SNED1: variants seen among roughly 807,000 people sequenced by gnomAD.
SNED1 encodes sushi, nidogen and EGF-like domain-containing protein 1.
A neutral mutation model predicts 166.7 loss-of-function variants in SNED1; 81 were observed. That is an observed-to-expected ratio of 0.49 (90% CI 0.41 to 0.58). The LOEUF (loss-of-function observed/expected upper bound fraction) is 0.58, where lower values mean the gene tolerates loss of function less well. Ranked by LOEUF, SNED1 falls within the 20% of genes least tolerant of loss-of-function variation. The pLI, the probability that SNED1 is intolerant of heterozygous loss-of-function variation, is 0.00. For synonymous variants in SNED1, 762 were observed against 822.0 expected, an observed-to-expected ratio of 0.93 and a Z score of 1.25; for missense variants, 1,604 against 2,000.2, an observed-to-expected ratio of 0.80 and a Z score of 3.78.
chr2:241,071,728 C>T lies in SNED1; in HGVS notation c.3734+8C>T, dbSNP rs555740407. The T allele has an allele frequency of 5.3e-6, 7 of 1,309,262 alleles. No individual in the cohort carries two copies. Among genetic ancestry groups the T allele is most frequent in the Non-Finnish European group, 7.4e-6 (7 of 945,548 alleles). 81.1% of individuals were successfully genotyped at this position (1,309,262 alleles called of 1,614,324 possible). ...CCCCACCCAGCCCCCCAGGTACATGCCCCACCCATCGGCCCCATCGCCCGA... is the reference window on the plus strand; with the variant it reads ...CCCCACCCAGCCCCCCAGGTACATGTCCCACCCATCGGCCCCATCGCCCGA... On this transcript the variant is annotated splice_region_variant and intron_variant, in intron 25 of 31. Coordinates refer to ENST00000310397, the MANE Select transcript of SNED1 (RefSeq NM_001080437.3).
intron 1 of SNED1, among the ~76,000 whole-genome samples, chr2:241,026,710 A>G (rs2060981422): frequency 6.6e-6 from 1 of 152,188 alleles, no homozygotes; most frequent in Non-Finnish European, 1.5e-5. Context: ...TTTTTAATCT[A>G]GTGCTTTTCT....
chr2:241,053,185 C>T lies in SNED1; in HGVS notation c.2116C>T (p.His706Tyr), dbSNP rs1448953778. 1.2e-6 allele frequency: 2 copies of T among 1,610,916 alleles called. No individual in the cohort carries two copies. Among genetic ancestry groups the T allele is most frequent in the Non-Finnish European group, 8.5e-7 (1 of 1,179,446 alleles). The change falls in exon 16 of 32, where the codon CAC becomes TAC. Residue 706 changes from histidine (H) to tyrosine (Y), a missense_variant. This residue lies in a region of SNED1 where 1,237 missense variants were observed against 1,620.8 expected (regional missense o/e 0.76). Transcript: ENST00000310397. ...VDCGPPEEVK[H>Y]ATLRFNGTRL... ...CTGCGGCCCCCCGGAGGAGGTGAAG[C>T]ACGCCACACTGCGCTTCAACGGCAC... is the stretch of plus-strand genomic sequence containing the variant.
At position 241,094,035 on chromosome 2, in the gene SNED1, G is replaced by A. The variant is rs1448410413; in HGVS notation, c.*2399G>A. On this transcript the variant is annotated 3_prime_UTR_variant, in exon 32 of 32. Transcript: ENST00000310397. This position sits in a 1 kb window ranked among gnomAD's most constrained non-coding sequence, Gnocchi z 4.3. ...CCGACTGGGTACAACAACAGCCTAGGTTCTAGGGAGGGTGGCAGTGACCGG... is the reference window on the plus strand; with the variant it reads ...CCGACTGGGTACAACAACAGCCTAGATTCTAGGGAGGGTGGCAGTGACCGG... The A allele has an allele frequency of 3.1e-6, 1 of 318,686 alleles. No individual in the cohort carries two copies. Among genetic ancestry groups the A allele is most frequent in the African/African-American group, 2.2e-5 (1 of 45,734 alleles). The allele number at this position is 318,686 out of a possible 1,614,324, so 19.7% of individuals were successfully genotyped here.
chr2:241,086,502 C>A (rs1469228397), intron 29 of SNED1, among the ~76,000 whole-genome samples: 1 of 152,232 alleles, frequency 6.6e-6, no homozygotes. Context: ...TCCAGGCTGA[C>A]CACAGGACTC....
intron 26 of SNED1, chr2:241,072,785 A>G (rs1402257604): frequency 1.0e-5 from 2 of 191,424 alleles, no homozygotes; most frequent in African/African-American, 2.4e-5. Context: ...GGAAGCGGAT[A>G]TGAAGTGCCC....
At position 241,040,145 on chromosome 2, in the gene SNED1, G is replaced by A. The variant is rs78419445; in HGVS notation, c.1116G>A (p.Val372=). ...GCCAGGTGGAGAATGGCTCTGCGGT[G>A]TGTGTGTGCCAGGCCGGATACACCG... The part of the protein sequence containing the change: ...GQCQVENGSA[V]CVCQAGYTGA... Residue 372 remains valine, a synonymous_variant, in exon 7 of 32, where the codon GTG becomes GTA. Coordinates refer to ENST00000310397, the MANE Select transcript of SNED1 (RefSeq NM_001080437.3). 1.8e-3 allele frequency: 2,865 copies of A among 1,602,652 alleles called. 62 individuals carry two copies. The African/African-American group carries it at 0.034, about 19-fold the overall frequency.
intron 1 of SNED1, among the ~76,000 whole-genome samples, chr2:241,028,134 G>T (rs2061040478): frequency 6.6e-6 from 1 of 152,166 alleles, no homozygotes; most frequent in Admixed American, 6.5e-5. Context: ...TTTGAAACAA[G>T]GGTTTTTTGT....
At chr2:241,087,201 T>G (rs1347540810) in intron 29 of SNED1, 191 bp from the exon 30 acceptor site, 5 of 579,936 alleles carry the variant, frequency 8.6e-6, no homozygotes, top group Non-Finnish European at 1.5e-5. Flanking sequence ...CCACAATAAA[T>G]TTATTACAAA....
intron 1 of SNED1, among the ~76,000 whole-genome samples, chr2:241,010,933 C>T (rs140485663): frequency 1.4e-3 from 211 of 152,284 alleles, no homozygotes; most frequent in Non-Finnish European, 2.8e-3. Flanking sequence ...ACGGTGGCCA[C>T]GGGGAGGCCC....
At chr2:241,041,119 G>A (rs906587581) in intron 8 of SNED1, 4 of 319,662 alleles carry the variant, frequency 1.3e-5, no homozygotes, top group African/African-American at 2.3e-5. Flanking sequence ...AGACACAGAG[G>A]GTCATGGGCC....
Position 241,073,644 on chromosome 2 carries a change from CCCTCT to C in SNED1, c.3916+285_3916+289del, listed in dbSNP as rs1308148141. On this transcript the variant is annotated intron_variant, in intron 27 of 31. Coordinates refer to ENST00000310397, the MANE Select transcript of SNED1 (RefSeq NM_001080437.3). This position sits in a 1 kb window ranked among gnomAD's most constrained non-coding sequence, Gnocchi z 6.6. ...ACTGGCTTTGATGCTGCCTCCCCTC[CCCTCT>C]CCTCCTTCGCCTCCACATGCAGCAG... The C allele has an allele frequency of 1.5e-4, 79 of 509,752 alleles. No individual in the cohort carries two copies. The Middle Eastern group carries it at 5.1e-3, about 33-fold the overall frequency. 31.6% of individuals were successfully genotyped at this position (509,752 alleles called of 1,614,324 possible).
Position 241,013,620 on chromosome 2 carries a change from C to T in SNED1, c.213+14570C>T, listed in dbSNP as rs970959129. On this transcript the variant is annotated intron_variant, in intron 1 of 31. Coordinates refer to ENST00000310397, the MANE Select transcript of SNED1 (RefSeq NM_001080437.3). The surrounding 1 kb of genome is among the most constrained non-coding windows in gnomAD (Gnocchi z 4.6). ...CTCCCAAAGTGCTGGGGGTTATAGG[C>T]GTGAACCACCACACCTGGCTGAGTT... 5.3e-5 allele frequency among the ~76,000 whole-genome samples: 8 copies of T among 152,094 alleles called. No individual in the cohort carries two copies. The highest frequency in any genetic ancestry group is 1.7e-4 in the African/African-American group (7 of 41,406).
intron 1 of SNED1, among the ~76,000 whole-genome samples, chr2:241,024,133 G>T (rs1310941734): frequency 2.0e-5 from 3 of 150,266 alleles, no homozygotes. Context: ...GTGCCTGCCT[G>T]GGCCTCCCAA....
intron 28 of SNED1, 44 bp downstream of exon 28, chr2:241,081,837 T>C (rs553201583): frequency 1.4e-6 from 2 of 1,418,956 alleles, no homozygotes; most frequent in African/African-American, 2.8e-5. Context: ...CAACACAGCC[T>C]GTGCCTCAGC....
chr2:241,007,036 C>T (rs943084006), intron 1 of SNED1, among the ~76,000 whole-genome samples: 8 of 152,136 alleles, frequency 5.3e-5, no homozygotes, highest in Non-Finnish European at 5.9e-5. Flanking sequence ...AGGAGAAATC[C>T]GTGGCTTCAC....
At position 241,073,759 on chromosome 2, in the gene SNED1, G is replaced by A. The variant is rs1196217661; in HGVS notation, c.3916+395G>A. On this transcript the variant is annotated intron_variant, in intron 27 of 31. Transcript: ENST00000310397. This position sits in a 1 kb window ranked among gnomAD's most constrained non-coding sequence, Gnocchi z 6.6. ...GCGGAGTCAGGATGGGAGAAGCAGA[G>A]GGAGCAGCCACTGGGCGAGCCCCAG... The A allele has an allele frequency of 2.7e-6, 1 of 370,862 alleles. No homozygotes were observed. Among genetic ancestry groups the A allele is most frequent in the Non-Finnish European group, 4.9e-6 (1 of 205,066 alleles). 23.0% of individuals were successfully genotyped at this position (370,862 alleles called of 1,614,324 possible).
intron 2 of SNED1, among the ~76,000 whole-genome samples, chr2:241,031,359 T>G (rs1250894930): frequency 2.0e-5 from 3 of 152,086 alleles, no homozygotes; most frequent in Non-Finnish European, 4.4e-5. Flanking sequence ...GAGAGGGGGT[T>G]TCCCCATATT....
At chr2:241,065,645 G>A in intron 21 of SNED1, 50 bp downstream of exon 21, 3 of 1,532,576 alleles carry the variant, frequency 2.0e-6, no homozygotes, top group Non-Finnish European at 2.7e-6. Context: ...GCCCCTCGAG[G>A]GCAGCGCTGG....
rs765808131 is a variant in SNED1 at position 241,037,343 on chromosome 2, C to G, written c.1035C>G (p.Thr345=). The change falls in exon 6 of 32, where the codon ACC becomes ACG. Residue 345 remains threonine, a synonymous_variant. Transcript: ENST00000310397. ...GCCCGGCTGGCTTTGGGGGACCCAC[C>G]TGTGAGACAGGTAAGAGGAACCCAC... ...CQCPAGFGGP[T]CETAQSPCDT... is the part of the protein sequence containing the mutation. The G allele has an allele frequency of 1.2e-6, 2 of 1,606,810 alleles. No individual in the cohort carries two copies. Among genetic ancestry groups the G allele is most frequent in the Admixed American group, 3.4e-5 (2 of 59,304 alleles).
Sources: allele counts gnomAD v4.1 joint callset (sites outside exome capture counted in the v4.1 genomes callset), GRCh38; gene constraint gnomAD v4.1.1; regional missense constraint gnomAD v4.1.1; non-coding constraint Gnocchi (gnomAD v3.1); transcripts MANE v1.5; gene names NCBI Gene and HGNC (gene_info 2026-07-23, HGNC 2026-07-21).